Variants in E2F3 observed in about 807,000 individuals in gnomAD.
E2F3 encodes the protein E2F transcription factor 3.
In E2F3, 11 loss-of-function variants were observed where a neutral mutation model predicts 44.4. That is an observed-to-expected ratio of 0.25 (90% CI 0.16 to 0.41). The LOEUF (loss-of-function observed/expected upper bound fraction) is 0.41, where lower values mean the gene tolerates loss of function less well. E2F3 is among the 10% of genes least tolerant of loss of function. The probability of loss-of-function intolerance (pLI) is 1.00; values close to 1 mark genes in which losing one functional copy is unlikely to be tolerated. For missense variants in E2F3, 487 were observed against 583.6 expected (o/e 0.83, Z 1.70); for synonymous variants, 249 against 253.0 (o/e 0.98, Z 0.15).
At chr6:20,406,427 A>G (rs1455956380) in intron 1 of E2F3, among the ~76,000 whole-genome samples, 1 of 152,114 alleles carries the variant, frequency 6.6e-6, no homozygotes, top group Non-Finnish European at 1.5e-5. Context: ...ACAAATGTTA[A>G]TTTTTTTCTG....
rs1362558970 is a variant in E2F3, at chr6:20,493,286, G to A, written c.*2856G>A. On this transcript the variant is annotated 3_prime_UTR_variant, in exon 7 of 7. Coordinates refer to ENST00000346618, the MANE Select transcript of E2F3 (RefSeq NM_001949.5). ...TACGTGTAGATCTGTAAATAAAATT[G>A]CAGTATTTAAAGCTTAAGCTTTCAG... The A allele has an allele frequency of 5.4e-6, 1 of 186,508 alleles. No individual in the cohort carries two copies. Among genetic ancestry groups the A allele is most frequent in the African/African-American group, 2.9e-5 (1 of 34,368 alleles). 11.6% of individuals were successfully genotyped at this position (186,508 alleles called of 1,614,324 possible).
intron 1 of E2F3, among the ~76,000 whole-genome samples, chr6:20,434,518 G>T (rs896092508): frequency 6.6e-6 from 1 of 151,964 alleles, no homozygotes; most frequent in Non-Finnish European, 1.5e-5. Flanking sequence ...TTTCTCCTAC[G>T]CCACTTAAAT....
At chr6:20,404,197 A>G (rs1759414624) in intron 1 of E2F3, among the ~76,000 whole-genome samples, 1 of 149,044 alleles carries the variant, frequency 6.7e-6, no homozygotes, top group South Asian at 2.1e-4. Flanking sequence ...GGTGGGTCAG[A>G]GGGTAGGGTG....
chr6:20,456,145 G>A (rs1157632692), intron 1 of E2F3, among the ~76,000 whole-genome samples: 1 of 152,058 alleles, frequency 6.6e-6, no homozygotes, highest in East Asian at 1.9e-4. Context: ...ATGAACAAAA[G>A]AAGGAATTGA....
chr6:20,427,450 G>A (rs1269917292), intron 1 of E2F3, among the ~76,000 whole-genome samples: 2 of 152,182 alleles, frequency 1.3e-5, no homozygotes, highest in African/African-American at 4.8e-5. Flanking sequence ...GGGGTTTGCA[G>A]TGTAGTCAGG....
At chr6:20,452,802 A>G (rs1049768331) in intron 1 of E2F3, among the ~76,000 whole-genome samples, 2 of 151,994 alleles carry the variant, frequency 1.3e-5, no homozygotes, top group Admixed American at 1.3e-4. Context: ...AAATACAAAA[A>G]AATTAGCTGG....
chr6:20,423,250 C>T (rs1363596375), intron 1 of E2F3, among the ~76,000 whole-genome samples: 1 of 152,166 alleles, frequency 6.6e-6, no homozygotes, highest in Non-Finnish European at 1.5e-5. Flanking sequence ...GCCTACTATA[C>T]CCCAAGGTTC....
intron 1 of E2F3, among the ~76,000 whole-genome samples, chr6:20,450,930 A>G (rs892930516): frequency 6.6e-6 from 1 of 152,126 alleles, no homozygotes; most frequent in Non-Finnish European, 1.5e-5. Context: ...CGAAGATCAT[A>G]TGGTTGTAGG....
chr6:20,445,262 G>A (rs1191830744), intron 1 of E2F3: 3 of 596,984 alleles, frequency 5.0e-6, no homozygotes, highest in South Asian at 7.6e-5. Context: ...TTTTTTTTGA[G>A]ACAGTCTCAC....
chr6:20,444,461 C>T (rs1760874672), intron 1 of E2F3, among the ~76,000 whole-genome samples: 1 of 152,122 alleles, frequency 6.6e-6, no homozygotes, highest in African/African-American at 2.4e-5. Flanking sequence ...TTGTCTACTT[C>T]TTAGTTCATT....
intron 1 of E2F3, among the ~76,000 whole-genome samples, chr6:20,470,200 C>T (rs1466408324): frequency 2.0e-5 from 3 of 152,230 alleles, no homozygotes; most frequent in Admixed American, 6.5e-5. Context: ...CCCACTTCTC[C>T]ATGCACCCCT....
intron 1 of E2F3, among the ~76,000 whole-genome samples, chr6:20,430,868 T>C (rs1162173391): frequency 6.6e-6 from 1 of 151,916 alleles, no homozygotes. Flanking sequence ...GTAATAAAAA[T>C]ACAAAAATTA....
rs572951110 is a variant in E2F3, at chr6:20,488,233, A to G, written c.1120A>G (p.Lys374Glu). ...CCAAGACCACAATGGGAATATCCCT[A>G]AACCCGCTTCCAAAGGTAAAAACTC... ...NNQDHNGNIP[K>E]PASKDLASTN... The change falls in exon 6 of 7, where the codon AAA becomes GAA. Residue 374 changes from lysine to glutamate, a missense_variant. Physicochemically the swap from Lys to Glu is moderately conservative, Grantham distance 56 (BLOSUM62 1). Transcript: ENST00000346618. The G allele has an allele frequency of 6.3e-7, 1 of 1,589,638 alleles. No homozygotes were observed. Among genetic ancestry groups the G allele is most frequent in the Admixed American group, 1.9e-5 (1 of 51,878 alleles).
At position 20,490,648 on chromosome 6, in the gene E2F3, C is replaced by A; in HGVS notation, c.*218C>A. The A allele has an allele frequency of 2.5e-6, 1 of 404,434 alleles. No homozygotes were observed. The highest frequency in any genetic ancestry group is 4.2e-6 in the Non-Finnish European group (1 of 240,676). The allele number at this position is 404,434 out of a possible 1,614,324, so 25.1% of individuals were successfully genotyped here. The stretch of plus-strand genomic sequence containing the variant: ...CAGTTGCAGGCTCCCTTGGGAAAGC[C>A]CTGCTTTGCTCCAGGCTCCAAGATC... On this transcript the variant is annotated 3_prime_UTR_variant, in exon 7 of 7. Transcript: ENST00000346618. The surrounding 1 kb of genome is among the most constrained non-coding windows in gnomAD (Gnocchi z 4.3).
intron 1 of E2F3, among the ~76,000 whole-genome samples, chr6:20,453,057 T>A (rs1761185831): frequency 6.6e-6 from 1 of 152,200 alleles, no homozygotes; most frequent in South Asian, 2.1e-4. Flanking sequence ...CGTGATTTAC[T>A]CTTCTGTTGG....
chr6:20,406,051 C>G (rs918457053), intron 1 of E2F3, among the ~76,000 whole-genome samples: 11 of 152,184 alleles, frequency 7.2e-5, no homozygotes, highest in African/African-American at 2.4e-4. Flanking sequence ...CCTAAACACT[C>G]TGTGTCCAAG....
intron 1 of E2F3, among the ~76,000 whole-genome samples, chr6:20,405,033 T>C (rs919648523): frequency 5.3e-5 from 8 of 152,186 alleles, no homozygotes; most frequent in Non-Finnish European, 1.0e-4. Context: ...AGCTTCAAGT[T>C]GATTTTTAAA....
chr6:20,431,891 G>A (rs1325310619), intron 1 of E2F3, among the ~76,000 whole-genome samples: 1 of 152,232 alleles, frequency 6.6e-6, no homozygotes, highest in Non-Finnish European at 1.5e-5. Context: ...GAGACTGGAA[G>A]TCCAAGATGT....
chr6:20,437,444 A>C (rs551165537), intron 1 of E2F3, among the ~76,000 whole-genome samples: 1 of 152,288 alleles, frequency 6.6e-6, no homozygotes, highest in Non-Finnish European at 1.5e-5. Flanking sequence ...AAATTCATGA[A>C]TATAGAAAAT....
Sources: gnomAD v4.1 joint callset for allele counts (sites outside exome capture counted in the v4.1 genomes callset) on GRCh38, gnomAD v4.1.1 for gene constraint, Gnocchi (gnomAD v3.1) non-coding constraint, MANE v1.5 for transcripts, NCBI Gene and HGNC (gene_info 2026-07-23, HGNC 2026-07-21) for gene names.